The following SEMA4D variants were observed in gnomAD, a reference collection of about 807,000 sequenced individuals.
The protein encoded by SEMA4D is semaphorin 4D, also known as semaphorin-4D.
Under a neutral mutation model 74.8 loss-of-function variants are expected in SEMA4D, and 22 were observed. The ratio of observed to expected loss-of-function variants is 0.29; its 90% CI spans 0.21 to 0.42. The LOEUF is 0.42. Among genes scored for constraint, SEMA4D ranks in the 10% least tolerant of loss-of-function variants. SEMA4D has a pLI of 1.00. For missense variants in SEMA4D, 937 were observed against 1,118.4 expected (o/e 0.84, Z 2.31); for synonymous variants, 445 against 463.7 (o/e 0.96, Z 0.52).
intron 1 of SEMA4D, among the ~76,000 whole-genome samples, chr9:89,494,331 G>GC (rs1825846369): frequency 6.6e-6 from 1 of 151,860 alleles, no homozygotes; most frequent in Admixed American, 6.6e-5. Flanking sequence ...ATTCACACAC[G>GC]CCCCACCCTT....
At chr9:89,430,198 G>C (rs1189893832) in intron 2 of SEMA4D, among the ~76,000 whole-genome samples, 1 of 152,030 alleles carries the variant, frequency 6.6e-6, no homozygotes, top group Non-Finnish European at 1.5e-5. Flanking sequence ...CAAAATTTCA[G>C]AACTAGGAGG....
At chr9:89,426,185 G>A (rs73486146) in intron 2 of SEMA4D, among the ~76,000 whole-genome samples, 14 of 152,330 alleles carry the variant, frequency 9.2e-5, no homozygotes, top group African/African-American at 1.9e-4. Context: ...CTGCAAAGGC[G>A]CCAGAGGCCT....
intron 1 of SEMA4D, among the ~76,000 whole-genome samples, chr9:89,461,491 T>A (rs550925726): frequency 1.3e-4 from 20 of 152,182 alleles, no homozygotes; most frequent in African/African-American, 4.6e-4. Flanking sequence ...CAGTTCTGAG[T>A]CCTGACAACT....
At chr9:89,421,410 G>A (rs556539850) in intron 2 of SEMA4D, among the ~76,000 whole-genome samples, 1 of 152,344 alleles carries the variant, frequency 6.6e-6, no homozygotes, top group East Asian at 1.9e-4. Flanking sequence ...AGGGCCCGGA[G>A]GACATGTTTC....
At chr9:89,460,637 G>A (rs762302810) in intron 1 of SEMA4D, among the ~76,000 whole-genome samples, 6 of 152,316 alleles carry the variant, frequency 3.9e-5, no homozygotes, top group African/African-American at 1.2e-4. Context: ...CTCATGAGAC[G>A]GCTCAAGAAT....
intron 2 of SEMA4D, among the ~76,000 whole-genome samples, chr9:89,412,031 G>A (rs1358473070): frequency 6.6e-6 from 1 of 151,992 alleles, no homozygotes; most frequent in Non-Finnish European, 1.5e-5. Context: ...CCCAGGAGCT[G>A]CTGGTGGCTG....
chr9:89,497,515 G>A (rs1166150691), intron 1 of SEMA4D: 1 of 151,976 alleles, frequency 6.6e-6, no homozygotes, highest in Non-Finnish European at 1.5e-5. Context: ...GCGGGCCGGG[G>A]CGCGACGGGG....
rs1242536264 is a variant in SEMA4D, at chr9:89,492,325, G to A, written c.-310+5594C>T. ...CTGGTTATCCCCTACCTCGCTGGCC[G>A]CACCTTCTTGGTTTCTTGTTCCAGG... On this transcript the variant is annotated intron_variant, in intron 1 of 15. Coordinates refer to ENST00000422704, the MANE Select transcript of SEMA4D (RefSeq NM_001371194.2). This position sits in a 1 kb window ranked among gnomAD's most constrained non-coding sequence, Gnocchi z 4.3. Among the ~76,000 whole-genome samples, 1 of 152,074 alleles carries A rather than the reference G, an allele frequency of 6.6e-6. No individual in the cohort carries two copies. The highest frequency in any genetic ancestry group is 1.5e-5 in the Non-Finnish European group (1 of 68,028).
rs71281350 is a variant in SEMA4D at position 89,461,700 on chromosome 9, C to CTCTCTCTTTTTTTTTTTTTTTTTTTT, written c.-309-5748_-309-5747insAAAAAAAAAAAAAAAAAAAAGAGAGA. Among the ~76,000 whole-genome samples the CTCTCTCTTTTTTTTTTTTTTTTTTTT allele has an allele frequency of 2.3e-4, 24 of 103,656 alleles. 2 individuals carry two copies. The South Asian group carries it at 2.7e-3, about 11-fold the overall frequency. 68.0% of individuals were successfully genotyped at this position (103,656 alleles called of 152,430 possible). On this transcript the variant is annotated intron_variant, in intron 1 of 15. Coordinates refer to ENST00000422704, the MANE Select transcript of SEMA4D (RefSeq NM_001371194.2). ...GGGCCAATGTGTATTTCTTTTTTCT[C>CTCTCTCTTTTTTTTTTTTTTTTTTTT]TTTTTTTTTTTTTTTTTTTGGAGAC...
At chr9:89,463,414 T>G (rs1157839375) in intron 1 of SEMA4D, among the ~76,000 whole-genome samples, 1 of 152,208 alleles carries the variant, frequency 6.6e-6, no homozygotes, top group African/African-American at 2.4e-5. Context: ...CTGGTCCTCT[T>G]CGTAGACAGG....
intron 1 of SEMA4D, among the ~76,000 whole-genome samples, chr9:89,462,257 G>A (rs72750908): frequency 0.023 from 3,442 of 152,282 alleles, 66 homozygotes; most frequent in South Asian, 0.075. Context: ...ATTTCTCACA[G>A]GTATAGATCA....
chr9:89,391,148 A>G, intron 9 of SEMA4D, 116 bp downstream of exon 9: 1 of 1,035,110 alleles, frequency 9.7e-7, no homozygotes, highest in Non-Finnish European at 1.4e-6. Flanking sequence ...CTGAGGCCCA[A>G]GGGAATAAAG....
At chr9:89,459,230 C>A (rs1159615752) in intron 1 of SEMA4D, among the ~76,000 whole-genome samples, 1 of 151,296 alleles carries the variant, frequency 6.6e-6, no homozygotes, top group Non-Finnish European at 1.5e-5. Context: ...CCAGTTGGAG[C>A]CCCAGTCCGG....
intron 9 of SEMA4D, among the ~76,000 whole-genome samples, chr9:89,389,760 C>G (rs1166722719): frequency 1.3e-5 from 2 of 152,218 alleles, no homozygotes; most frequent in Non-Finnish European, 2.9e-5. Flanking sequence ...GGAAAATGTT[C>G]CCCCTTCATC....
intron 2 of SEMA4D, among the ~76,000 whole-genome samples, chr9:89,433,047 T>C (rs1230004522): frequency 6.6e-6 from 1 of 152,206 alleles, no homozygotes; most frequent in Non-Finnish European, 1.5e-5. Context: ...CGTCTTCGGG[T>C]GTGCACAATG....
At chr9:89,405,891 C>G in intron 2 of SEMA4D, 192 bp from the exon 3 acceptor site, 5 of 1,219,762 alleles carry the variant, frequency 4.1e-6, no homozygotes, top group Non-Finnish European at 5.1e-6. Context: ...AAGCCAGGGT[C>G]TTCAGGAGTC....
In SEMA4D at chr9:89,381,154, C is replaced by T. The variant is rs764630894; in HGVS notation, c.1619+20G>A. On this transcript the variant is annotated intron_variant, in intron 14 of 15. Coordinates refer to ENST00000422704, the MANE Select transcript of SEMA4D (RefSeq NM_001371194.2). This position sits in a 1 kb window ranked among gnomAD's most constrained non-coding sequence, Gnocchi z 4.6. Reference sequence around the variant, plus strand: ...CACACACATGGGGGACATCCCCAGGCAGCGCATCCCGCCCCATACCTGCTG... The same window carrying T: ...CACACACATGGGGGACATCCCCAGGTAGCGCATCCCGCCCCATACCTGCTG... The T allele has an allele frequency of 4.2e-5, 67 of 1,614,028 alleles. No individual in the cohort carries two copies. The highest frequency in any genetic ancestry group is 5.2e-5 in the Non-Finnish European group (61 of 1,180,034).
At chr9:89,371,886 G>A (rs1469118282) in intron 16 of SEMA4D, among the ~76,000 whole-genome samples, 1 of 46,882 alleles carries the variant, frequency 2.1e-5, no homozygotes, top group East Asian at 1.0e-3. Context: ...TGATGTGTGT[G>A]GTGTCTGGGG....
intron 1 of SEMA4D, among the ~76,000 whole-genome samples, chr9:89,467,925 C>T (rs573975913): frequency 5.9e-5 from 9 of 152,336 alleles, no homozygotes; most frequent in South Asian, 2.1e-4. Context: ...TGGAGAGCAG[C>T]CCTCCCAGCC....
Sources: gnomAD v4.1 joint callset for allele counts (sites outside exome capture counted in the v4.1 genomes callset) on GRCh38, gnomAD v4.1.1 for gene constraint, Gnocchi (gnomAD v3.1) non-coding constraint, MANE v1.5 for transcripts, NCBI Gene and HGNC (gene_info 2026-07-23, HGNC 2026-07-21) for gene names.